Variants in CPE observed in about 807,000 individuals in gnomAD.
CPE encodes carboxypeptidase E.
CPE carries 17 observed loss-of-function variants against 53.5 expected under a neutral mutation model. The ratio of observed to expected loss-of-function variants is 0.32; its 90% confidence interval spans 0.22 to 0.48. CPE has a LOEUF of 0.48. Among genes scored for constraint, CPE ranks in the 20% least tolerant of loss-of-function variants. The probability of loss-of-function intolerance (pLI) is 0.99; values close to 1 mark genes in which losing one functional copy is unlikely to be tolerated. For synonymous variants in CPE, 226 were observed against 228.8 expected (o/e 0.99, Z 0.11); for missense variants, 524 against 614.7 (o/e 0.85, Z 1.56).
chr4:165,472,935 CTA>C (rs1732234288), intron 3 of CPE, among the ~76,000 whole-genome samples: 1 of 149,194 alleles, frequency 6.7e-6, no homozygotes, highest in South Asian at 2.1e-4. Flanking sequence ...GTGATTCTGA[CTA>C]TGTACTAGGT....
intron 1 of CPE, among the ~76,000 whole-genome samples, chr4:165,384,414 G>C (rs1000656995): frequency 2.6e-5 from 4 of 152,148 alleles, no homozygotes; most frequent in African/African-American, 4.8e-5. Context: ...CTTAAGGCTA[G>C]GAGTTTGAGA....
chr4:165,478,829 C>T (rs759081813), intron 3 of CPE, among the ~76,000 whole-genome samples: 12 of 152,110 alleles, frequency 7.9e-5, no homozygotes, highest in Non-Finnish European at 1.5e-4. Flanking sequence ...AGAGTATTTT[C>T]CTTACCCCCG....
intron 1 of CPE, among the ~76,000 whole-genome samples, chr4:165,448,657 T>C (rs1210975416): frequency 1.3e-5 from 2 of 152,142 alleles, no homozygotes; most frequent in African/African-American, 4.8e-5. Context: ...CCTTCTTTTA[T>C]CATTGCGAGC....
intron 1 of CPE, among the ~76,000 whole-genome samples, chr4:165,449,744 T>A (rs1731776375): frequency 6.6e-6 from 1 of 152,088 alleles, no homozygotes; most frequent in South Asian, 2.1e-4. Context: ...GAAGAGAAAT[T>A]CTTTTTTTTT....
At chr4:165,419,264 A>G (rs913959635) in intron 1 of CPE, among the ~76,000 whole-genome samples, 2 of 152,200 alleles carry the variant, frequency 1.3e-5, no homozygotes, top group African/African-American at 4.8e-5. Flanking sequence ...ACAGTTGCTC[A>G]AGTCTAAGTT....
At chr4:165,492,397 G>T (rs146439999) in intron 6 of CPE, among the ~76,000 whole-genome samples, 1 of 152,320 alleles carries the variant, frequency 6.6e-6, no homozygotes, top group African/African-American at 2.4e-5. Flanking sequence ...AAAATTGAAA[G>T]AGAGTAAGTT....
intron 4 of CPE, among the ~76,000 whole-genome samples, chr4:165,483,383 T>A (rs867926161): frequency 1.3e-5 from 2 of 152,254 alleles, no homozygotes; most frequent in African/African-American, 4.8e-5. Flanking sequence ...CTTTATCTAA[T>A]CAACCATTGA....
Position 165,379,033 on chromosome 4 carries a change from CT to C in CPE, c.-186del, listed in dbSNP as rs537253101. 1.9e-4 allele frequency: 80 copies of C among 425,870 alleles called. No individual in the cohort carries two copies. The highest frequency in any genetic ancestry group is 1.4e-3 in the African/African-American group (69 of 48,156). 26.4% of individuals were successfully genotyped at this position (425,870 alleles called of 1,614,324 possible). ...AGTAGTGCAGCCCGTGGAGCCGCGGCTTTGCCCGTCTCCTCTGGGTGGCCCC... is the reference window on the plus strand; with the variant it reads ...AGTAGTGCAGCCCGTGGAGCCGCGGCTTGCCCGTCTCCTCTGGGTGGCCCC... On this transcript the variant is annotated 5_prime_UTR_variant, in exon 1 of 9. Coordinates refer to ENST00000402744, the MANE Select transcript of CPE (RefSeq NM_001873.4). The surrounding 1 kb of genome is among the most constrained non-coding windows in gnomAD (Gnocchi z 6.0).
chr4:165,421,534 C>T (rs959277648), intron 1 of CPE, among the ~76,000 whole-genome samples: 1 of 152,142 alleles, frequency 6.6e-6, no homozygotes, highest in African/African-American at 2.4e-5. Context: ...CAAAAAATCC[C>T]GCATATTTAC....
chr4:165,459,673 GT>G (rs1731960004), intron 1 of CPE, among the ~76,000 whole-genome samples: 1 of 123,322 alleles, frequency 8.1e-6, no homozygotes, highest in Non-Finnish European at 1.6e-5. Context: ...GGAGGGCTGG[GT>G]GGGGGGGGGC....
chr4:165,477,235 C>T (rs1423810730), intron 3 of CPE, among the ~76,000 whole-genome samples: 2 of 152,108 alleles, frequency 1.3e-5, no homozygotes, highest in Non-Finnish European at 2.9e-5. Context: ...TTTTGTATTT[C>T]TAGCTTAGGC....
intron 5 of CPE, among the ~76,000 whole-genome samples, chr4:165,487,148 T>C (rs1382017422): frequency 6.6e-6 from 1 of 152,168 alleles, no homozygotes; most frequent in Non-Finnish European, 1.5e-5. Context: ...TGTTGTCTTC[T>C]CCGAAGCCCA....
chr4:165,405,070 C>T, intron 1 of CPE: 1 of 722,292 alleles, frequency 1.4e-6, no homozygotes, highest in Non-Finnish European at 2.5e-6. Flanking sequence ...AATCAAGCTT[C>T]CCAGTCAAGT....
intron 1 of CPE, among the ~76,000 whole-genome samples, chr4:165,442,149 C>A (rs1385058875): frequency 6.7e-6 from 1 of 148,172 alleles, no homozygotes; most frequent in East Asian, 2.0e-4. Context: ...CTCAAGCAAT[C>A]CTCCCACCTT....
intron 1 of CPE, among the ~76,000 whole-genome samples, chr4:165,429,319 G>A (rs1731370979): frequency 6.6e-6 from 1 of 152,154 alleles, no homozygotes; most frequent in South Asian, 2.1e-4. Flanking sequence ...ACAATTTTCT[G>A]TGTCTCCTAT....
intron 4 of CPE, among the ~76,000 whole-genome samples, chr4:165,484,058 C>T (rs1438487232): frequency 6.6e-6 from 1 of 152,026 alleles, no homozygotes; most frequent in African/African-American, 2.4e-5. Flanking sequence ...GAGAATGATT[C>T]ATAGTGGGTA....
Position 165,429,693 on chromosome 4 carries a change from C to A in CPE, c.308-34697C>A, listed in dbSNP as rs1731377624. Reference sequence around the variant, plus strand: ...CTCCAGCTTGGGTGACAGAGTGAGACCCTGTTTAAAAAAAAAAAAAGTTAC... The same window carrying A: ...CTCCAGCTTGGGTGACAGAGTGAGAACCTGTTTAAAAAAAAAAAAAGTTAC... On this transcript the variant is annotated intron_variant, in intron 1 of 8. Transcript: ENST00000402744. Among the ~76,000 whole-genome samples, 5 of 132,478 alleles carry A rather than the reference C, an allele frequency of 3.8e-5. No homozygotes were observed. In the South Asian group the frequency reaches 1.2e-3, roughly 32 times the overall value. 86.9% of individuals were successfully genotyped at this position (132,478 alleles called of 152,430 possible).
At chr4:165,415,235 G>T (rs1731103092) in intron 1 of CPE, 1 of 167,038 alleles carries the variant, frequency 6.0e-6, no homozygotes, top group Non-Finnish European at 1.5e-5. Flanking sequence ...CTACATGGGG[G>T]CAGCAGACGA....
chr4:165,436,191 T>TACACACACACACACAC (rs35269093), intron 1 of CPE, among the ~76,000 whole-genome samples: 1 of 149,296 alleles, frequency 6.7e-6, no homozygotes, highest in Non-Finnish European at 1.5e-5. Context: ...CCAGCACACA[T>TACACACACACACACAC]ACACACACAC....
Sources: gnomAD v4.1 joint callset for allele counts (sites outside exome capture counted in the v4.1 genomes callset) on GRCh38, gnomAD v4.1.1 for gene constraint, Gnocchi (gnomAD v3.1) non-coding constraint, MANE v1.5 for transcripts, NCBI Gene and HGNC (gene_info 2026-07-23, HGNC 2026-07-21) for gene names.